The following ARHGEF3 variants were observed in gnomAD, a reference collection of about 807,000 sequenced individuals.
ARHGEF3 encodes 59.8 kDA protein.
Under a neutral mutation model 63.2 loss-of-function variants are expected in ARHGEF3, and 28 were observed. That is an observed-to-expected ratio of 0.44 (90% CI 0.33 to 0.61). The LOEUF (loss-of-function observed/expected upper bound fraction) is 0.61, where lower values mean the gene tolerates loss of function less well. Ranked by LOEUF, ARHGEF3 falls within the 20% of genes least tolerant of loss-of-function variation. The probability of loss-of-function intolerance (pLI) is 0.03; values close to 1 mark genes in which losing one functional copy is unlikely to be tolerated. For missense variants in ARHGEF3, 533 were observed against 659.3 expected (o/e 0.81, Z 2.10); for synonymous variants, 266 against 254.2 (o/e 1.05, Z -0.44).
At chr3:56,741,630 A>C (rs1166132917) in intron 7 of ARHGEF3, among the ~76,000 whole-genome samples, 2 of 146,286 alleles carry the variant, frequency 1.4e-5, no homozygotes, top group African/African-American at 5.1e-5. Context: ...CAGCCTCCCA[A>C]GTAGCTGGGA....
intron 3 of ARHGEF3, chr3:56,939,850 A>G (rs1699090688): frequency 1.3e-5 from 2 of 152,210 alleles, no homozygotes; most frequent in South Asian, 4.1e-4. Flanking sequence ...AATTATTTGT[A>G]TCTGCTCCAG....
At chr3:56,841,406 C>T (rs2039303709) in intron 4 of ARHGEF3, among the ~76,000 whole-genome samples, 1 of 152,154 alleles carries the variant, frequency 6.6e-6, no homozygotes, top group African/African-American at 2.4e-5. Context: ...TCTTCCATGT[C>T]CTCCATTTAG....
At chr3:56,962,479 G>C (rs1391530220) in intron 2 of ARHGEF3, among the ~76,000 whole-genome samples, 1 of 152,192 alleles carries the variant, frequency 6.6e-6, no homozygotes, top group Non-Finnish European at 1.5e-5. Flanking sequence ...GCTGTGCATG[G>C]TGTACACACA....
chr3:56,945,654 C>G (rs1428782412), intron 3 of ARHGEF3, among the ~76,000 whole-genome samples: 2 of 152,218 alleles, frequency 1.3e-5, no homozygotes, highest in African/African-American at 4.8e-5. Context: ...GTGGAGCCCA[C>G]CACAGCTCAA....
intron 2 of ARHGEF3, among the ~76,000 whole-genome samples, chr3:57,012,383 G>A (rs979321002): frequency 9.2e-5 from 14 of 151,950 alleles, no homozygotes; most frequent in African/African-American, 2.4e-4. Flanking sequence ...CTCAGCCTCC[G>A]GAGCAGCTGG....
Position 56,896,948 on chromosome 3 carries a change from T to C in ARHGEF3, c.130-14594A>G, listed in dbSNP as rs1344023832. On this transcript the variant is annotated intron_variant, in intron 3 of 12. Transcript: ENST00000338458. ...AAATTTCTCTACTGGAAAGTTACTATTTTTCTGTTTTTAAGTAACCAGCAA... is the reference window on the plus strand; with the variant it reads ...AAATTTCTCTACTGGAAAGTTACTACTTTTCTGTTTTTAAGTAACCAGCAA... Among the ~76,000 whole-genome samples, 12 of 152,244 alleles carry C rather than the reference T, an allele frequency of 7.9e-5. 1 individual carries two copies. The South Asian group carries it at 1.7e-3, about 21-fold the overall frequency.
intron 8 of ARHGEF3, among the ~76,000 whole-genome samples, chr3:56,736,516 T>G (rs1372855824): frequency 3.3e-5 from 5 of 152,222 alleles, no homozygotes; most frequent in Non-Finnish European, 1.5e-5. Flanking sequence ...AGAAGTTAAA[T>G]GCATTCAACT....
Position 56,732,367 on chromosome 3 carries a change from T to G in ARHGEF3, c.1099A>C (p.Asn367His), listed in dbSNP as rs1327551890. Reference sequence around the variant, plus strand: ...TACAGCTGGTAGCAAAGCTGCTCATTGTGGGTGACGGCTCGAGTGATCACA... The same window carrying G: ...TACAGCTGGTAGCAAAGCTGCTCATGGTGGGTGACGGCTCGAGTGATCACA... ...VLVITRAVTH[N>H]EQLCYQLYRQ... is the part of the protein sequence containing the mutation. Residue 367 changes from asparagine (N) to histidine (H), a missense_variant, in exon 9 of 10, where the codon AAT becomes CAT. Transcript: ENST00000296315. The G allele has an allele frequency of 6.2e-7, 1 of 1,614,174 alleles. No individual in the cohort carries two copies. Among genetic ancestry groups the G allele is most frequent in the Admixed American group, 1.7e-5 (1 of 60,032 alleles).
intron 2 of ARHGEF3, chr3:57,007,053 C>T (rs566064248): frequency 3.5e-6 from 3 of 845,512 alleles, no homozygotes; most frequent in Non-Finnish European, 4.7e-6. Context: ...ACACTGTGCT[C>T]CTCACTCTGG....
At chr3:56,874,568 A>C (rs1009708699) in intron 4 of ARHGEF3, among the ~76,000 whole-genome samples, 9 of 152,346 alleles carry the variant, frequency 5.9e-5, no homozygotes, top group South Asian at 4.1e-4. Context: ...GAGACAGGAA[A>C]GCTTTTTTCC....
chr3:56,993,893 T>C (rs1435488559), intron 2 of ARHGEF3, among the ~76,000 whole-genome samples: 1 of 150,466 alleles, frequency 6.6e-6, no homozygotes, highest in Non-Finnish European at 1.5e-5. Context: ...TGAAAACCCG[T>C]CTCTACTAAA....
intron 3 of ARHGEF3, among the ~76,000 whole-genome samples, chr3:56,944,694 A>G (rs1320763454): frequency 6.8e-6 from 1 of 146,062 alleles, no homozygotes; most frequent in African/African-American, 2.5e-5. Context: ...CTCCTGCCTC[A>G]GCCTCCCAAG....
chr3:57,044,003 C>T (rs1022261428), intron 1 of ARHGEF3, among the ~76,000 whole-genome samples: 1 of 152,212 alleles, frequency 6.6e-6, no homozygotes, highest in Non-Finnish European at 1.5e-5. Flanking sequence ...GACATTTTGT[C>T]AGCTCCACCA....
chr3:56,802,091 G>T, upstream of ARHGEF3: 1 of 1,040,498 alleles, frequency 9.6e-7, no homozygotes, highest in Non-Finnish European at 1.3e-6. Context: ...GCTGCGAGGG[G>T]CGTGGGGCGG....
intron 2 of ARHGEF3, chr3:57,035,015 C>T: frequency 7.9e-7 from 1 of 1,272,982 alleles, no homozygotes; most frequent in Non-Finnish European, 1.1e-6. Context: ...AAAGGAAGCC[C>T]TCCATTTCAT....
intron 1 of ARHGEF3, among the ~76,000 whole-genome samples, chr3:56,797,379 C>A (rs779924484): frequency 1.9e-4 from 29 of 152,180 alleles, no homozygotes; most frequent in Non-Finnish European, 3.1e-4. Context: ...AATGATGGCT[C>A]AATGACCATA....
intron 4 of ARHGEF3, 26 bp downstream of exon 4, chr3:56,753,478 C>G: frequency 6.2e-7 from 1 of 1,607,442 alleles, no homozygotes; most frequent in South Asian, 1.1e-5. Flanking sequence ...TGACTTGACT[C>G]AAGTGACTGC....
intron 3 of ARHGEF3, among the ~76,000 whole-genome samples, chr3:56,944,423 G>T (rs1229622602): frequency 6.6e-6 from 1 of 152,114 alleles, no homozygotes; most frequent in Non-Finnish European, 1.5e-5. Context: ...CTTCCGTGTT[G>T]GAAGTCACTG....
At chr3:57,064,095 T>C (rs1705387309) in intron 1 of ARHGEF3, among the ~76,000 whole-genome samples, 1 of 152,072 alleles carries the variant, frequency 6.6e-6, no homozygotes, top group African/African-American at 2.4e-5. Flanking sequence ...GGCAAAACCC[T>C]GTCTCTACCA....
Sources: gnomAD v4.1 joint callset for allele counts (sites outside exome capture counted in the v4.1 genomes callset) on GRCh38, gnomAD v4.1.1 for gene constraint, MANE v1.5 for transcripts, NCBI Gene and HGNC (gene_info 2026-07-23, HGNC 2026-07-21) for gene names.